The following RARB variants were observed in gnomAD, a reference collection of about 807,000 sequenced individuals.
RARB encodes the protein HBV-activated protein.
A neutral mutation model predicts 51.9 loss-of-function variants in RARB; 17 were observed. That is an observed-to-expected ratio of 0.33 (90% confidence interval 0.22 to 0.49). RARB has a LOEUF of 0.49. Among genes scored for constraint, RARB ranks in the 20% least tolerant of loss-of-function variants. The pLI is 0.99. For synonymous variants in RARB, 215 were observed against 195.4 expected, an observed-to-expected ratio of 1.10 and a Z score of -0.84; for missense variants, 369 against 550.8, an observed-to-expected ratio of 0.67 and a Z score of 3.30.
At chr3:25,128,869 G>A (rs1439269365) in intron 3 of RARB, among the ~76,000 whole-genome samples, 4 of 152,066 alleles carry the variant, frequency 2.6e-5, no homozygotes, top group Non-Finnish European at 5.9e-5. Context: ...AACTCAATGA[G>A]TGAATCAATA....
chr3:25,249,469 T>C (rs1384826962), intron 5 of RARB, among the ~76,000 whole-genome samples: 1 of 152,170 alleles, frequency 6.6e-6, no homozygotes, highest in Admixed American at 6.5e-5. Context: ...TGGAAAATTG[T>C]TGTGATCCTT....
At chr3:25,451,471 T>A (rs546700005) in intron 1 of RARB, among the ~76,000 whole-genome samples, 1 of 152,314 alleles carries the variant, frequency 6.6e-6, no homozygotes, top group South Asian at 2.1e-4. Flanking sequence ...ACAGTGAGGA[T>A]TAAATCGGTT....
chr3:25,343,024 TTGTGTGTGTGTG>T (rs6147737), intron 5 of RARB, among the ~76,000 whole-genome samples: 7,113 of 132,086 alleles, frequency 0.054, 215 homozygotes, highest in East Asian at 0.14. Context: ...TGCAAGTACT[TTGTGTGTGTGTG>T]TGTGTGTGTG....
At chr3:24,860,351 T>C (rs2125341412) in intron 2 of RARB, among the ~76,000 whole-genome samples, 1 of 152,342 alleles carries the variant, frequency 6.6e-6, no homozygotes, top group Admixed American at 6.5e-5. Context: ...AGCCTTCTTT[T>C]AGTTCTTCAG....
intron 3 of RARB, among the ~76,000 whole-genome samples, chr3:25,082,403 A>AT (rs1411710349): frequency 1.3e-5 from 2 of 150,446 alleles, no homozygotes; most frequent in East Asian, 2.0e-4. Context: ...TAGTATTTTG[A>AT]TTTTTTCTCT....
chr3:24,916,894 C>T (rs1224401874), intron 2 of RARB, among the ~76,000 whole-genome samples: 5 of 151,598 alleles, frequency 3.3e-5, no homozygotes, highest in South Asian at 2.1e-4. Flanking sequence ...TATAATGAAA[C>T]TTAGGAAAAA....
chr3:24,903,175 A>G (rs1277193445), intron 2 of RARB, among the ~76,000 whole-genome samples: 2 of 152,136 alleles, frequency 1.3e-5, no homozygotes, highest in Admixed American at 6.5e-5. Context: ...AACTGTAATG[A>G]TAACTTGAAG....
At position 25,177,036 on chromosome 3, in the gene RARB, G is replaced by A. The variant is rs114740646; in HGVS notation, c.178+2461G>A. On this transcript the variant is annotated intron_variant, in intron 5 of 11. Transcript: ENST00000383772. ...ACCTTAAAAGGTGTTTGGAGAAGGGGCAGAAAAAGGACTAGGTACAGAAAG... is the reference window on the plus strand; with the variant it reads ...ACCTTAAAAGGTGTTTGGAGAAGGGACAGAAAAAGGACTAGGTACAGAAAG... Among the ~76,000 whole-genome samples, 958 of 152,208 alleles carry A rather than the reference G, an allele frequency of 6.3e-3. 10 individuals carry two copies. The highest frequency in any genetic ancestry group is 0.022 in the African/African-American group (896 of 41,524).
intron 4 of RARB, among the ~76,000 whole-genome samples, chr3:25,136,167 G>A (rs1388522639): frequency 1.3e-5 from 2 of 151,906 alleles, no homozygotes; most frequent in East Asian, 1.9e-4. Context: ...AATATGCCAG[G>A]AGAATAGACT....
intron 3 of RARB, among the ~76,000 whole-genome samples, chr3:25,073,551 T>C (rs762208005): frequency 3.9e-5 from 6 of 152,236 alleles, no homozygotes; most frequent in Non-Finnish European, 7.3e-5. Context: ...GTGTTACTTA[T>C]AAGGTAAACC....
chr3:25,045,259 A>C (rs982863614), intron 2 of RARB, among the ~76,000 whole-genome samples: 7 of 152,136 alleles, frequency 4.6e-5, no homozygotes, highest in Non-Finnish European at 7.4e-5. Flanking sequence ...AATGTTGTGC[A>C]TTTATAGATA....
At chr3:25,512,657 C>G (rs1697952844) in intron 3 of RARB, among the ~76,000 whole-genome samples, 3 of 152,228 alleles carry the variant, frequency 2.0e-5, no homozygotes, top group Non-Finnish European at 4.4e-5. Context: ...TCCTTGAAGC[C>G]ACCTTCTTCC....
In RARB at chr3:25,050,636, A is replaced by G. The variant is rs146479782; in HGVS notation, c.-379-9489A>G. Among the ~76,000 whole-genome samples the G allele has an allele frequency of 4.3e-3, 658 of 152,260 alleles. 6 individuals are homozygous for G. Among genetic ancestry groups the G allele is most frequent in the African/African-American group, 0.015 (637 of 41,556 alleles). On this transcript the variant is annotated intron_variant, in intron 2 of 11. Coordinates refer to the RARB transcript ENST00000383772. ...AGCAAGTTTCTTGTATTTCATTCCAATATTTCCAAATTCCTTGTTACACTT... is the reference window on the plus strand; with the variant it reads ...AGCAAGTTTCTTGTATTTCATTCCAGTATTTCCAAATTCCTTGTTACACTT...
chr3:25,131,506 T>G (rs1226439071), intron 3 of RARB, among the ~76,000 whole-genome samples: 1 of 152,076 alleles, frequency 6.6e-6, no homozygotes, highest in Non-Finnish European at 1.5e-5. Flanking sequence ...GTGTTTATGT[T>G]GCATGTCTAA....
intron 1 of RARB, among the ~76,000 whole-genome samples, chr3:25,449,815 G>A (rs961399819): frequency 4.0e-5 from 6 of 150,714 alleles, no homozygotes; most frequent in Admixed American, 1.3e-4. Context: ...GCAATGGTGC[G>A]ATCTCGGCTC....
chr3:25,066,629 A>G (rs1698668476), intron 3 of RARB, among the ~76,000 whole-genome samples: 1 of 150,898 alleles, frequency 6.6e-6, no homozygotes, highest in African/African-American at 2.5e-5. Flanking sequence ...ACACACACAC[A>G]CACCTTTCTC....
rs1553623210 is a variant in RARB at position 25,494,275 on chromosome 3, A to ACACACACACG, written c.307-6903_307-6902insCACACGCACA. Among the ~76,000 whole-genome samples, 289 of 102,332 alleles carry ACACACACACG rather than the reference A, an allele frequency of 2.8e-3. 1 individual carries two copies. The highest frequency in any genetic ancestry group is 0.015 in the Middle Eastern group (3 of 194). The allele number at this position is 102,332 out of a possible 152,430, so 67.1% of individuals were successfully genotyped here. On this transcript the variant is annotated intron_variant, in intron 2 of 7. Coordinates refer to ENST00000330688, the MANE Select transcript of RARB (RefSeq NM_000965.5). ...TACGCACACACACACACACACACAC[A>ACACACACACG]CACATGCCATCATTTACATCTCTGC...
intron 5 of RARB, among the ~76,000 whole-genome samples, chr3:25,319,862 T>C (rs1201172637): frequency 6.6e-6 from 1 of 152,174 alleles, no homozygotes; most frequent in Non-Finnish European, 1.5e-5. Context: ...CTTCTTTTTA[T>C]TCTTTTGAAA....
intron 3 of RARB, among the ~76,000 whole-genome samples, chr3:25,101,326 A>G (rs1258279995): frequency 2.0e-5 from 3 of 152,210 alleles, no homozygotes; most frequent in Non-Finnish European, 2.9e-5. Flanking sequence ...AAAGAAAAAA[A>G]GTAATAAACA....
Sources: allele counts gnomAD v4.1 joint callset (sites outside exome capture counted in the v4.1 genomes callset), GRCh38; gene constraint gnomAD v4.1.1; transcripts MANE v1.5; gene names NCBI Gene and HGNC (gene_info 2026-07-23, HGNC 2026-07-21).